Variants in PDZRN3 observed in about 807,000 individuals in gnomAD.
PDZRN3 encodes the protein E3 ubiquitin-protein ligase PDZRN3.
A neutral mutation model predicts 85.7 loss-of-function variants in PDZRN3; 38 were observed. The observed-to-expected ratio is 0.44, with a 90% confidence interval of 0.34 to 0.58. The LOEUF (loss-of-function observed/expected upper bound fraction) is 0.58, where lower values mean the gene tolerates loss of function less well. Ranked by LOEUF, PDZRN3 falls within the 20% of genes least tolerant of loss-of-function variation. The probability of loss-of-function intolerance (pLI) is 0.01; values close to 1 mark genes in which losing one functional copy is unlikely to be tolerated. For synonymous variants in PDZRN3, 759 were observed against 638.0 expected (o/e 1.19, Z -2.86); for missense variants, 1,629 against 1,506.4 (o/e 1.08, Z -1.35).
intron 5 of PDZRN3, among the ~76,000 whole-genome samples, chr3:73,396,501 G>A (rs1387691694): frequency 6.6e-6 from 1 of 152,178 alleles, no homozygotes; most frequent in Non-Finnish European, 1.5e-5. Flanking sequence ...GTGCCTCAAA[G>A]GCTAAAGAAA....
intron 3 of PDZRN3, among the ~76,000 whole-genome samples, chr3:73,458,973 C>T (rs538502818): frequency 7.6e-6 from 1 of 131,528 alleles, no homozygotes; most frequent in East Asian, 2.2e-4. Flanking sequence ...GCCCGGGCAA[C>T]AGAGCAAAAC....
intron 1 of PDZRN3, 26 bp from the exon 2 acceptor site, chr3:73,608,710 T>A: frequency 7.0e-7 from 1 of 1,433,294 alleles, no homozygotes; most frequent in Non-Finnish European, 9.7e-7. Flanking sequence ...GAGATCAAAC[T>A]TTTATTTACC....
At chr3:73,557,982 A>G (rs1701736371) in intron 3 of PDZRN3, among the ~76,000 whole-genome samples, 1 of 152,202 alleles carries the variant, frequency 6.6e-6, no homozygotes, top group Non-Finnish European at 1.5e-5. Context: ...TCTTTGGGGT[A>G]TAGAATTTCA....
intron 3 of PDZRN3, among the ~76,000 whole-genome samples, chr3:73,468,029 A>G (rs1373639116): frequency 1.3e-5 from 2 of 152,188 alleles, no homozygotes; most frequent in Non-Finnish European, 2.9e-5. Context: ...TGGTCACACA[A>G]CAATGCAAAT....
At chr3:73,402,694 A>G (rs1395904580) in intron 4 of PDZRN3, among the ~76,000 whole-genome samples, 1 of 152,190 alleles carries the variant, frequency 6.6e-6, no homozygotes, top group Non-Finnish European at 1.5e-5. Context: ...GATGAAGGGC[A>G]AGCCTTTATC....
intron 3 of PDZRN3, among the ~76,000 whole-genome samples, chr3:73,507,456 C>T (rs909195147): frequency 3.9e-5 from 6 of 152,238 alleles, no homozygotes; most frequent in Non-Finnish European, 5.9e-5. Flanking sequence ...AGGCGTGAGC[C>T]ACCGTGCCCG....
At chr3:73,388,090 G>A (rs1248003648) in intron 7 of PDZRN3, 21 bp from the exon 8 acceptor site, 1 of 959,064 alleles carries the variant, frequency 1.0e-6, no homozygotes, top group Non-Finnish European at 1.6e-6. Flanking sequence ...AAAAGGGGGG[G>A]TGGGGAGAGT....
In PDZRN3 at chr3:73,383,698, G is replaced by A. The variant is rs543408529; in HGVS notation, c.2868C>T (p.Gly956=). Reference sequence around the variant, plus strand: ...TCACCGCGTCGTCGTCGGTGGTCATGCCGCTGCGCTCTTCCCGGATCTTCA... The same window carrying A: ...TCACCGCGTCGTCGTCGGTGGTCATACCGCTGCGCTCTTCCCGGATCTTCA... ...RALKIREERS[G]MTTDDDAVSE... The change falls in exon 10 of 10, where the codon GGC becomes GGT. Residue 956 remains glycine (G), a synonymous_variant. Coordinates refer to ENST00000263666, the MANE Select transcript of PDZRN3 (RefSeq NM_015009.3). 11 of 1,611,448 alleles carry A rather than the reference G, an allele frequency of 6.8e-6. No individual in the cohort carries two copies. Among genetic ancestry groups the A allele is most frequent in the Non-Finnish European group, 9.3e-6 (11 of 1,180,008 alleles).
intron 3 of PDZRN3, among the ~76,000 whole-genome samples, chr3:73,537,496 T>C (rs1704815145): frequency 6.6e-6 from 1 of 152,254 alleles, no homozygotes; most frequent in African/African-American, 2.4e-5. Flanking sequence ...TGTGTTGATA[T>C]TTGGCATCAA....
chr3:73,392,441 A>C (rs539710598), intron 5 of PDZRN3, among the ~76,000 whole-genome samples: 1 of 152,334 alleles, frequency 6.6e-6, no homozygotes, highest in African/African-American at 2.4e-5. Context: ...CTGTAAAGAC[A>C]GATGTTCAGA....
chr3:73,453,569 G>C (rs886965977), intron 3 of PDZRN3, among the ~76,000 whole-genome samples: 6 of 151,298 alleles, frequency 4.0e-5, no homozygotes, highest in Non-Finnish European at 7.4e-5. Flanking sequence ...TCAATATATA[G>C]ATATATGAAG....
chr3:73,528,037 T>C (rs1225641993), intron 3 of PDZRN3, among the ~76,000 whole-genome samples: 1 of 152,142 alleles, frequency 6.6e-6, no homozygotes, highest in Non-Finnish European at 1.5e-5. Context: ...GACAAATCGC[T>C]CTTGCTGACA....
At chr3:73,613,097 T>C (rs1396547838) in intron 1 of PDZRN3, among the ~76,000 whole-genome samples, 2 of 152,122 alleles carry the variant, frequency 1.3e-5, no homozygotes, top group Non-Finnish European at 2.9e-5. Context: ...TAAATAAATA[T>C]CATTATATAT....
chr3:73,532,040 C>T (rs188994479), intron 3 of PDZRN3, among the ~76,000 whole-genome samples: 27 of 152,260 alleles, frequency 1.8e-4, no homozygotes, highest in African/African-American at 6.3e-4. Flanking sequence ...CTCGCTCTGT[C>T]GCCCAGGCTG....
intron 5 of PDZRN3, among the ~76,000 whole-genome samples, chr3:73,396,482 C>G (rs935445721): frequency 2.0e-5 from 3 of 152,120 alleles, no homozygotes; most frequent in African/African-American, 7.2e-5. Flanking sequence ...TAGATCTATT[C>G]CTTGTCCTGT....
intron 4 of PDZRN3, among the ~76,000 whole-genome samples, chr3:73,402,104 C>CT (rs773842746): frequency 1.3e-4 from 20 of 152,320 alleles, no homozygotes; most frequent in Non-Finnish European, 2.2e-4. Context: ...CACGCTCTTG[C>CT]TGTTGTCTGA....
At chr3:73,552,225 A>AGTGTGT (rs55784793) in intron 3 of PDZRN3, among the ~76,000 whole-genome samples, 2,626 of 147,842 alleles carry the variant, frequency 0.018, 39 homozygotes, top group African/African-American at 0.033. Context: ...GAATTAAAGG[A>AGTGTGT]GTGTGTGTGT....
In PDZRN3 at chr3:73,624,249, T is replaced by C; in HGVS notation, c.577A>G (p.Lys193Glu). ...ALKKEALRAG[K>E]REKSLVAQLA... ...TGGGCCACCAGCGACTTCTCGCGCT[T>C]CCCAGCGCGCAGCGCCTCCTTCTTG... The change falls in exon 1 of 10, where the codon AAG (lysine) becomes GAG (glutamate). Residue 193 changes from lysine (K) to glutamate (E), a missense_variant. Lys to Glu is a moderately conservative substitution (Grantham distance 56). Coordinates refer to ENST00000263666, the MANE Select transcript of PDZRN3 (RefSeq NM_015009.3). 1.4e-6 allele frequency: 2 copies of C among 1,455,374 alleles called. No individual in the cohort carries two copies. Among genetic ancestry groups the C allele is most frequent in the Non-Finnish European group, 1.8e-6 (2 of 1,109,866 alleles). 90.2% of individuals were successfully genotyped at this position (1,455,374 alleles called of 1,614,324 possible).
chr3:73,573,809 AC>A (rs1702078118), intron 3 of PDZRN3, among the ~76,000 whole-genome samples: 5 of 78,640 alleles, frequency 6.4e-5, no homozygotes, highest in African/African-American at 2.0e-4. Context: ...ATACACATAC[AC>A]CTATACATAT....
Sources: allele counts gnomAD v4.1 joint callset (sites outside exome capture counted in the v4.1 genomes callset), GRCh38; gene constraint gnomAD v4.1.1; transcripts MANE v1.5; gene names NCBI Gene and HGNC (gene_info 2026-07-23, HGNC 2026-07-21).